The following ELOVL3 variants were observed in gnomAD, a reference collection of about 807,000 sequenced individuals.
ELOVL3 encodes very long chain fatty acid elongase 3.
ELOVL3 carries 11 observed loss-of-function variants against 14.9 expected under a neutral mutation model. That is an observed-to-expected ratio of 0.74 (90% CI 0.46 to 1.22). The LOEUF (loss-of-function observed/expected upper bound fraction) is 1.22, where lower values mean the gene tolerates loss of function less well. Ranked by LOEUF, ELOVL3 falls within the 50% of genes most tolerant of loss-of-function variation. The pLI is 0.00. For synonymous variants in ELOVL3, 117 were observed against 124.7 expected (o/e 0.94, Z 0.41); for missense variants, 277 against 338.9 (o/e 0.82, Z 1.43).
rs373353894 is a variant in ELOVL3 at position 102,228,487 on chromosome 10, G to A, written c.304G>A (p.Val102Met). The A allele has an allele frequency of 6.8e-6, 11 of 1,613,990 alleles. No homozygotes were observed. The highest frequency in any genetic ancestry group is 1.3e-5 in the African/African-American group (1 of 74,898). ...VLLTGGLKQT[V>M]CFINFIDNST... The stretch of plus-strand genomic sequence containing the variant: ...ACTTACCGGGGGCCTAAAGCAAACC[G>A]TGTGCTTCATCAACTTCATCGATAA... The change falls in exon 3 of 4, where the codon GTG becomes ATG. Residue 102 changes from valine to methionine, a missense_variant. Val to Met is a conservative substitution (Grantham distance 21). Coordinates refer to ENST00000370005, the MANE Select transcript of ELOVL3 (RefSeq NM_152310.3).
At chr10:102,226,172 G>C (rs577264610), upstream of ELOVL3, among the ~76,000 whole-genome samples, 1 of 152,206 alleles carries the variant, frequency 6.6e-6, no homozygotes, top group African/African-American at 2.4e-5. Flanking sequence ...GGCCTACGAC[G>C]GGACTTGGGG....
chr10:102,227,533 C>T, intron 1 of ELOVL3, 93 bp from the exon 2 acceptor site: 3 of 1,426,660 alleles, frequency 2.1e-6, no homozygotes, highest in Non-Finnish European at 1.9e-6. Flanking sequence ...AGAACTGGGA[C>T]TCCAACCCAG....
Position 102,229,195 on chromosome 10 carries a change from C to T in ELOVL3, c.756C>T (p.His252=). 1 of 1,614,014 alleles carries T rather than the reference C, an allele frequency of 6.2e-7. No individual in the cohort carries two copies. The highest frequency in any genetic ancestry group is 1.1e-5 in the South Asian group (1 of 91,062). ...LYMTYFILFA[H]FFCQTYIRPK... ...TGACCTATTTCATCCTCTTTGCCCACTTCTTCTGCCAGACCTACATCAGGC... is the reference window on the plus strand; with the variant it reads ...TGACCTATTTCATCCTCTTTGCCCATTTCTTCTGCCAGACCTACATCAGGC... Residue 252 remains histidine, a synonymous_variant, in exon 4 of 4, where the codon CAC becomes CAT. Coordinates refer to ENST00000370005, the MANE Select transcript of ELOVL3 (RefSeq NM_152310.3).
chr10:102,229,190 G>A lies in ELOVL3; in HGVS notation c.751G>A (p.Ala251Thr). ...ILYMTYFILF[A>T]HFFCQTYIRP... Reference sequence around the variant, plus strand: ...GTATATGACCTATTTCATCCTCTTTGCCCACTTCTTCTGCCAGACCTACAT... The same window carrying A: ...GTATATGACCTATTTCATCCTCTTTACCCACTTCTTCTGCCAGACCTACAT... Residue 251 changes from alanine to threonine, a missense_variant, in exon 4 of 4, where the codon GCC becomes ACC. Ala to Thr is a moderately conservative substitution (Grantham distance 58). Coordinates refer to ENST00000370005, the MANE Select transcript of ELOVL3 (RefSeq NM_152310.3). 1 of 1,614,000 alleles carries A rather than the reference G, an allele frequency of 6.2e-7. No homozygotes were observed.
At chr10:102,225,176 G>A (rs1219021238), upstream of ELOVL3, among the ~76,000 whole-genome samples, 1 of 152,198 alleles carries the variant, frequency 6.6e-6, no homozygotes, top group Non-Finnish European at 1.5e-5. Flanking sequence ...AAGAGGCAGT[G>A]CAACCAGGTA....
chr10:102,228,432 G>A lies in ELOVL3; in HGVS notation c.249G>A (p.Val83=). The change falls in exon 3 of 4, where the codon GTG becomes GTA. Residue 83 remains valine (V), a synonymous_variant. Coordinates refer to ENST00000370005, the MANE Select transcript of ELOVL3 (RefSeq NM_152310.3). ...CCCATTTCAGTATCCTGGGGGCAGT[G>A]AGGATGTGGGGCATTATGGGGACTG... ...CLAIFSILGA[V]RMWGIMGTVL... is the part of the protein sequence containing the mutation. 6.8e-6 allele frequency: 11 copies of A among 1,614,124 alleles called. No homozygotes were observed. The highest frequency in any genetic ancestry group is 9.3e-6 in the Non-Finnish European group (11 of 1,179,986).
At position 102,228,816 on chromosome 10, in the gene ELOVL3, A is replaced by G. The variant is rs745681505; in HGVS notation, c.386-9A>G. Reference sequence around the variant, plus strand: ...GGTGGTATGCCAACTATGACTCTCCATCTCCCAGGAGACACAGCCTTCATC... The same window carrying G: ...GGTGGTATGCCAACTATGACTCTCCGTCTCCCAGGAGACACAGCCTTCATC... On this transcript the variant is annotated splice_polypyrimidine_tract_variant and intron_variant, in intron 3 of 3. Transcript: ENST00000370005. 1.9e-6 allele frequency: 3 copies of G among 1,600,532 alleles called. No individual in the cohort carries two copies. In the South Asian group the frequency reaches 3.4e-5, roughly 18 times the overall value.
chr10:102,228,339 C>G (rs2070156751), intron 2 of ELOVL3, 78 bp from the exon 3 acceptor site: 3 of 1,524,104 alleles, frequency 2.0e-6, no homozygotes, highest in Non-Finnish European at 2.7e-6. Flanking sequence ...AACACAGTAA[C>G]CTGGCCAAGC....
At chr10:102,227,932 T>G (rs2070152328) in intron 2 of ELOVL3, among the ~76,000 whole-genome samples, 175 bp downstream of exon 2, 1 of 152,106 alleles carries the variant, frequency 6.6e-6, no homozygotes, top group Non-Finnish European at 1.5e-5. Context: ...TTCTGTTATA[T>G]TATCCTGTTT....
chr10:102,226,531 T>C lies in ELOVL3; in HGVS notation c.-18T>C. On this transcript the variant is annotated 5_prime_UTR_variant, in exon 1 of 4. It removes the in-frame stop codon of an upstream open reading frame in the 5' UTR. Transcript: ENST00000370005. ...CCCAGCGCCTCCAAGCTTTGGACCT[T>C]GACTTCTGCAAAACTAGATGGTCAC... The C allele has an allele frequency of 6.2e-7, 1 of 1,603,300 alleles. No individual in the cohort carries two copies. Among genetic ancestry groups the C allele is most frequent in the Non-Finnish European group, 8.5e-7 (1 of 1,170,514 alleles).
chr10:102,227,507 A>G (rs142080194), intron 1 of ELOVL3, 119 bp from the exon 2 acceptor site: 4 of 1,168,264 alleles, frequency 3.4e-6, no homozygotes, highest in Non-Finnish European at 4.9e-6. Flanking sequence ...CCAATGTCAC[A>G]TAGCTAGTAA....
chr10:102,228,683 C>G (rs547884000), intron 3 of ELOVL3, 115 bp downstream of exon 3: 53 of 1,434,136 alleles, frequency 3.7e-5, no homozygotes, highest in Non-Finnish European at 5.1e-5. Context: ...CCAATAATAC[C>G]TCTCACCCAA....
chr10:102,228,391 C>T, intron 2 of ELOVL3, 26 bp from the exon 3 acceptor site: 1 of 1,610,030 alleles, frequency 6.2e-7, no homozygotes, highest in Non-Finnish European at 8.5e-7. Flanking sequence ...ATGACACTTA[C>T]ACCATCTTCC....
chr10:102,229,286 C>G lies in ELOVL3; in HGVS notation c.*34C>G, dbSNP rs746425412. 1.3e-6 allele frequency: 2 copies of G among 1,564,070 alleles called. No homozygotes were observed. Among genetic ancestry groups the G allele is most frequent in the South Asian group, 2.4e-5 (2 of 83,148 alleles). ...AGAGAACAATGAAGCTCCAGGCTCT[C>G]TCTTCTCCAGGGCACCAAGAGGCTG... On this transcript the variant is annotated 3_prime_UTR_variant, in exon 4 of 4. Coordinates refer to ENST00000370005, the MANE Select transcript of ELOVL3 (RefSeq NM_152310.3).
chr10:102,227,322 C>T (rs528309482), intron 1 of ELOVL3, among the ~76,000 whole-genome samples: 3 of 152,264 alleles, frequency 2.0e-5, no homozygotes, highest in Admixed American at 2.0e-4. Flanking sequence ...TAGGCGCGGG[C>T]CAGACAGCCG....
At position 102,226,506 on chromosome 10, in the gene ELOVL3, C is replaced by A; in HGVS notation, c.-43C>A. The A allele has an allele frequency of 6.9e-7, 1 of 1,446,668 alleles. No homozygotes were observed. The highest frequency in any genetic ancestry group is 2.3e-5 in the East Asian group (1 of 43,996). The allele number at this position is 1,446,668 out of a possible 1,614,324, so 89.6% of individuals were successfully genotyped here. A position where few individuals can be genotyped will look rare whatever the true frequency, so the allele number is the denominator to read the frequency against. ...CCATCCTCGGAGCCCCAGCCTTTCA[C>A]CCAGCGCCTCCAAGCTTTGGACCTT... On this transcript the variant is annotated 5_prime_UTR_variant, in exon 1 of 4. Coordinates refer to ENST00000370005, the MANE Select transcript of ELOVL3 (RefSeq NM_152310.3).
In ELOVL3 at chr10:102,227,721, C is replaced by T. The variant is rs759617475; in HGVS notation, c.197C>T (p.Pro66Leu). 1.2e-6 allele frequency: 2 copies of T among 1,613,688 alleles called. No homozygotes were observed. The highest frequency in any genetic ancestry group is 1.7e-6 in the Non-Finnish European group (2 of 1,179,910). The change falls in exon 2 of 4, where the codon CCT becomes CTT. Residue 66 changes from proline (P) to leucine (L), a missense_variant. Coordinates refer to ENST00000370005, the MANE Select transcript of ELOVL3 (RefSeq NM_152310.3). ...KERKGFNLQG[P>L]LILWSFCLAI... ...CGCAAGGGCTTCAACCTGCAAGGGC[C>T]TCTCATCCTCTGGTCCTTCTGCCTT...
upstream of ELOVL3, chr10:102,226,266 C>A: frequency 2.5e-6 from 1 of 401,278 alleles, no homozygotes; most frequent in South Asian, 2.6e-5. Context: ...GGAGCAGAGG[C>A]GTATCTTGGT....
chr10:102,228,770 C>A lies in ELOVL3; in HGVS notation c.386-55C>A. The A allele has an allele frequency of 3.3e-6, 5 of 1,537,660 alleles. No individual in the cohort carries two copies. The South Asian group carries it at 3.7e-5, about 11-fold the overall frequency. The stretch of plus-strand genomic sequence containing the variant: ...TTCTCCCGTGTCCCTACATCCAGTG[C>A]AGAGGGTGGTCCCAGCACTGGGTGG... On this transcript the variant is annotated intron_variant, in intron 3 of 3. Coordinates refer to ENST00000370005, the MANE Select transcript of ELOVL3 (RefSeq NM_152310.3).
Sources: allele counts gnomAD v4.1 joint callset (sites outside exome capture counted in the v4.1 genomes callset), GRCh38; gene constraint gnomAD v4.1.1; transcripts MANE v1.5; gene names NCBI Gene and HGNC (gene_info 2026-07-23, HGNC 2026-07-21).